VPS13B: variants seen among roughly 807,000 people sequenced by gnomAD.
VPS13B encodes the protein intermembrane lipid transfer protein VPS13B.
VPS13B carries 285 observed loss-of-function variants against 426.4 expected under a neutral mutation model. The ratio of observed to expected loss-of-function variants is 0.67; its 90% CI spans 0.61 to 0.74. VPS13B has a LOEUF of 0.74. Ranked by LOEUF, VPS13B falls within the 30% of genes least tolerant of loss-of-function variation. VPS13B has a pLI of 0.00. For missense variants in VPS13B, 4,537 were observed against 4,782.6 expected, an observed-to-expected ratio of 0.95 and a Z score of 1.51; for synonymous variants, 1,676 against 1,676.4, an observed-to-expected ratio of 1.00 and a Z score of 0.01.
At chr8:99,428,378 A>G (rs865879908) in intron 21 of VPS13B, among the ~76,000 whole-genome samples, 1 of 152,196 alleles carries the variant, frequency 6.6e-6, no homozygotes, top group Non-Finnish European at 1.5e-5. Flanking sequence ...AAATTTTTGC[A>G]ATCTACCCAT....
At chr8:99,863,447 T>G (rs1380870022) in intron 58 of VPS13B, among the ~76,000 whole-genome samples, 1 of 152,094 alleles carries the variant, frequency 6.6e-6, no homozygotes, top group African/African-American at 2.4e-5. Context: ...ACCACTACTC[T>G]GCTCCACCCC....
At chr8:99,829,555 C>T (rs911435257) in intron 51 of VPS13B, among the ~76,000 whole-genome samples, 3 of 152,164 alleles carry the variant, frequency 2.0e-5, no homozygotes, top group Non-Finnish European at 4.4e-5. Flanking sequence ...TCCTTTAGCT[C>T]GGAGGACTTT....
At chr8:99,447,904 G>A (rs1359318176) in intron 23 of VPS13B, among the ~76,000 whole-genome samples, 3 of 151,446 alleles carry the variant, frequency 2.0e-5, no homozygotes, top group East Asian at 1.9e-4. Flanking sequence ...TAAAAGGACC[G>A]ATATATAGTG....
chr8:99,528,818 A>G (rs1483701685), intron 30 of VPS13B, among the ~76,000 whole-genome samples: 1 of 152,106 alleles, frequency 6.6e-6, no homozygotes, highest in Non-Finnish European at 1.5e-5. Flanking sequence ...AGAAGTAATA[A>G]AGAGAATAGA....
chr8:99,563,583 TCA>T (rs1728862343), intron 31 of VPS13B, among the ~76,000 whole-genome samples: 1 of 152,164 alleles, frequency 6.6e-6, no homozygotes, highest in Non-Finnish European at 1.5e-5. Context: ...AGAGAAGGTT[TCA>T]CAGAGTGCAT....
chr8:99,478,649 A>G (rs1910109), intron 24 of VPS13B, among the ~76,000 whole-genome samples: 145,007 of 151,366 alleles, frequency 0.96, 69,522 homozygotes, highest in Middle Eastern at 1. Context: ...GCGTTTCACC[A>G]TGTTGGCCAG....
chr8:99,484,699 AT>A (rs1171265419), intron 25 of VPS13B, among the ~76,000 whole-genome samples: 4 of 152,090 alleles, frequency 2.6e-5, no homozygotes, highest in Admixed American at 2.6e-4. Flanking sequence ...ACCTGTAAAT[AT>A]TTTTTGAGAG....
Position 99,502,441 on chromosome 8 carries a change from T to G in VPS13B, c.4043-395T>G, listed in dbSNP as rs184836812. ...GCAGTGCTAAAATGTTGAATCTTAT[T>G]AACATTAAAGGTTTACGTGTACATA... On this transcript the variant is annotated intron_variant, in intron 26 of 61. Coordinates refer to ENST00000357162, the MANE Select transcript of VPS13B (RefSeq NM_152564.5). Among the ~76,000 whole-genome samples the G allele has an allele frequency of 3.1e-4, 47 of 152,368 alleles. 1 individual carries two copies. Among genetic ancestry groups the G allele is most frequent in the Admixed American group, 2.7e-3 (41 of 15,308 alleles).
chr8:99,364,205 A>G (rs551846959), intron 19 of VPS13B, among the ~76,000 whole-genome samples: 12 of 152,280 alleles, frequency 7.9e-5, no homozygotes, highest in South Asian at 6.2e-4. Flanking sequence ...CTTTTTCAAA[A>G]TCAGTTGAAA....
intron 30 of VPS13B, among the ~76,000 whole-genome samples, chr8:99,532,686 C>A (rs867604230): frequency 2.6e-5 from 4 of 151,606 alleles, no homozygotes; most frequent in Middle Eastern, 3.2e-3. Context: ...TGAAAATATG[C>A]TTTATTTTTA....
intron 19 of VPS13B, among the ~76,000 whole-genome samples, chr8:99,376,972 G>T (rs773313310): frequency 8.0e-4 from 122 of 151,766 alleles, no homozygotes; most frequent in Non-Finnish European, 1.4e-3. Context: ...ATAAAAATAG[G>T]TAACATATAT....
At chr8:99,660,906 C>G (rs1164239747) in intron 34 of VPS13B, among the ~76,000 whole-genome samples, 1 of 152,152 alleles carries the variant, frequency 6.6e-6, no homozygotes, top group African/African-American at 2.4e-5. Context: ...GTCAGTAAAA[C>G]TCTTAAAACA....
At chr8:99,027,795 G>T (rs1452247929) in intron 2 of VPS13B, among the ~76,000 whole-genome samples, 5 of 151,340 alleles carry the variant, frequency 3.3e-5, no homozygotes, top group Non-Finnish European at 7.4e-5. Flanking sequence ...CGCAGAGGGG[G>T]ATTTGGCAGG....
intron 22 of VPS13B, among the ~76,000 whole-genome samples, chr8:99,438,034 C>CTTTTTTTTTTTT (rs746500253): frequency 2.5e-5 from 3 of 120,584 alleles, no homozygotes; most frequent in Non-Finnish European, 3.4e-5. Context: ...TTCTTTTCCT[C>CTTTTTTTTTTTT]TTTTTTTTTT....
rs538006078 is a variant in VPS13B at position 99,465,165 on chromosome 8, T to A, written c.3446-2249T>A. Among the ~76,000 whole-genome samples the A allele has an allele frequency of 9.9e-5, 15 of 152,244 alleles. No individual in the cohort carries two copies. The East Asian group carries it at 2.9e-3, about 29-fold the overall frequency. On this transcript the variant is annotated intron_variant, in intron 23 of 61. Transcript: ENST00000357162. ...GCCAGTCATGGATGTCTGAACATAT[T>A]TTATGGAGTGCCCAGAACATTATTT... is the stretch of plus-strand genomic sequence containing the variant.
In VPS13B at chr8:99,643,804, C is replaced by G. The variant is rs1280873865; in HGVS notation, c.5908+1306C>G. Among the ~76,000 whole-genome samples the G allele has an allele frequency of 3.3e-5, 5 of 152,338 alleles. No homozygotes were observed. The East Asian group carries it at 9.6e-4, about 29-fold the overall frequency. On this transcript the variant is annotated intron_variant, in intron 34 of 61. Coordinates refer to ENST00000357162, the MANE Select transcript of VPS13B (RefSeq NM_152564.5). ...AAACCCTTACCAGCAACAACTGCCT[C>G]TCTTTCTCAAATATATTCTCATTTA... is the stretch of plus-strand genomic sequence containing the variant.
intron 33 of VPS13B, among the ~76,000 whole-genome samples, chr8:99,620,095 T>TTC (rs1828285925): frequency 6.6e-6 from 1 of 152,088 alleles, no homozygotes; most frequent in East Asian, 1.9e-4. Flanking sequence ...AAACTGTTCA[T>TTC]TAGAGAATGT....
At chr8:99,068,520 C>G (rs1044906030) in intron 3 of VPS13B, among the ~76,000 whole-genome samples, 14 of 152,146 alleles carry the variant, frequency 9.2e-5, no homozygotes, top group Admixed American at 5.2e-4. Flanking sequence ...CTTTCATGCT[C>G]CAATGGCAGA....
chr8:99,628,224 C>T (rs906864642), intron 33 of VPS13B, among the ~76,000 whole-genome samples: 10 of 152,202 alleles, frequency 6.6e-5, no homozygotes, highest in African/African-American at 2.4e-4. Context: ...TAGTGCAGTG[C>T]TCTATCTCCA....
Sources: gnomAD v4.1 joint callset for allele counts (sites outside exome capture counted in the v4.1 genomes callset) on GRCh38, gnomAD v4.1.1 for gene constraint, MANE v1.5 for transcripts, NCBI Gene and HGNC (gene_info 2026-07-23, HGNC 2026-07-21) for gene names.